ADAMTSL1: variants seen among roughly 807,000 people sequenced by gnomAD.
ADAMTSL1 encodes the protein ADAMTS-like protein 1.
ADAMTSL1 carries 126 observed loss-of-function variants against 201.8 expected under a neutral mutation model. The ratio of observed to expected loss-of-function variants is 0.62; its 90% CI spans 0.54 to 0.72. The LOEUF (loss-of-function observed/expected upper bound fraction) is 0.72. Among genes scored for constraint, ADAMTSL1 ranks in the 30% least tolerant of loss-of-function variants. The pLI, the probability that ADAMTSL1 is intolerant of heterozygous loss-of-function variation, is 0.00. For synonymous variants in ADAMTSL1, 1,121 were observed against 903.4 expected, an observed-to-expected ratio of 1.24 and a Z score of -4.32; for missense variants, 2,679 against 2,277.8, an observed-to-expected ratio of 1.18 and a Z score of -3.59.
At chr9:17,955,935 A>C (rs1304012062) in intron 1 of ADAMTSL1, among the ~76,000 whole-genome samples, 2 of 152,148 alleles carry the variant, frequency 1.3e-5, no homozygotes, top group African/African-American at 4.8e-5. Flanking sequence ...CTTCTAATTT[A>C]TGTTGCTTTA....
intron 2 of ADAMTSL1, among the ~76,000 whole-genome samples, chr9:18,204,210 A>T (rs1829557832): frequency 6.6e-6 from 1 of 152,058 alleles, no homozygotes; most frequent in South Asian, 2.1e-4. Context: ...TATAATCCCC[A>T]TGTGTTAAGG....
At chr9:18,196,419 A>G (rs1355506807) in intron 2 of ADAMTSL1, among the ~76,000 whole-genome samples, 1 of 152,066 alleles carries the variant, frequency 6.6e-6, no homozygotes, top group Admixed American at 6.6e-5. Context: ...AAATATATTC[A>G]GGCTTAATTG....
intron 4 of ADAMTSL1, among the ~76,000 whole-genome samples, chr9:18,596,540 C>T (rs1411924087): frequency 2.0e-5 from 3 of 152,040 alleles, no homozygotes; most frequent in East Asian, 1.9e-4. Flanking sequence ...ATTACAGGTG[C>T]GCACCACCAC....
At chr9:18,180,180 G>T (rs1828391786) in intron 2 of ADAMTSL1, among the ~76,000 whole-genome samples, 3 of 152,058 alleles carry the variant, frequency 2.0e-5, no homozygotes, top group African/African-American at 7.2e-5. Context: ...GATGGAGGAA[G>T]ATCTACCAAG....
intron 13 of ADAMTSL1, among the ~76,000 whole-genome samples, chr9:18,700,331 GAGGCA>G (rs1204286114): frequency 6.6e-6 from 1 of 152,066 alleles, no homozygotes; most frequent in African/African-American, 2.4e-5. Flanking sequence ...ACATCATTGA[GAGGCA>G]TTAAATAACT....
chr9:18,045,857 T>C (rs1821636246), intron 1 of ADAMTSL1, among the ~76,000 whole-genome samples: 1 of 152,070 alleles, frequency 6.6e-6, no homozygotes, highest in South Asian at 2.1e-4. Context: ...TATATTAACA[T>C]TTTCATCTCA....
At chr9:18,793,179 A>AT (rs1190323586) in intron 19 of ADAMTSL1, 5 of 152,166 alleles carry the variant, frequency 3.3e-5, no homozygotes, top group African/African-American at 1.2e-4. Context: ...TTCCTTCCCC[A>AT]TTTTACTAGA....
intron 2 of ADAMTSL1, among the ~76,000 whole-genome samples, chr9:18,439,027 T>C (rs1188462746): frequency 6.6e-6 from 1 of 152,002 alleles, no homozygotes; most frequent in Non-Finnish European, 1.5e-5. Context: ...CCTTTTATTT[T>C]CAAAGTATCC....
chr9:18,891,283 C>G (rs1563893750), intron 25 of ADAMTSL1, among the ~76,000 whole-genome samples: 1 of 152,126 alleles, frequency 6.6e-6, no homozygotes, highest in East Asian at 1.9e-4. Context: ...CTGGTTGTCT[C>G]TTTGAGATAC....
intron 2 of ADAMTSL1, among the ~76,000 whole-genome samples, chr9:18,229,629 A>AAG (rs1446097730): frequency 2.0e-5 from 3 of 152,050 alleles, no homozygotes; most frequent in African/African-American, 7.2e-5. Context: ...AAAAGCTACC[A>AAG]AGTCTCTTCC....
chr9:17,918,349 A>C (rs1346090478), intron 1 of ADAMTSL1, among the ~76,000 whole-genome samples: 1 of 144,574 alleles, frequency 6.9e-6, no homozygotes, highest in African/African-American at 2.6e-5. Flanking sequence ...TTTTTTTTTC[A>C]GTTCATAGTA....
chr9:18,437,741 G>A (rs1172032859), intron 2 of ADAMTSL1, among the ~76,000 whole-genome samples: 1 of 152,014 alleles, frequency 6.6e-6, no homozygotes, highest in Non-Finnish European at 1.5e-5. Flanking sequence ...ACAGTGATAA[G>A]CAAGGCATTT....
chr9:18,864,446 A>G (rs967957143), intron 23 of ADAMTSL1, among the ~76,000 whole-genome samples: 1 of 152,220 alleles, frequency 6.6e-6, no homozygotes, highest in Non-Finnish European at 1.5e-5. Context: ...CCACAAATTA[A>G]GCCACTGGCC....
chr9:18,225,403 C>A (rs933802868), intron 2 of ADAMTSL1, among the ~76,000 whole-genome samples: 2 of 152,160 alleles, frequency 1.3e-5, no homozygotes, highest in African/African-American at 4.8e-5. Context: ...GAAAATGTAT[C>A]TTGTCCTAAC....
At chr9:18,737,095 G>T (rs1818541274) in intron 15 of ADAMTSL1, among the ~76,000 whole-genome samples, 1 of 152,100 alleles carries the variant, frequency 6.6e-6, no homozygotes, top group Non-Finnish European at 1.5e-5. Context: ...GAGGCAGGTG[G>T]GTCACCTGAG....
intron 2 of ADAMTSL1, among the ~76,000 whole-genome samples, chr9:18,266,522 G>A (rs547597489): frequency 3.3e-5 from 5 of 152,176 alleles, no homozygotes; most frequent in African/African-American, 4.8e-5. Context: ...TATTGAGTGA[G>A]GGTCAGGCTC....
At chr9:18,896,159 T>A (rs1172424885) in intron 26 of ADAMTSL1, among the ~76,000 whole-genome samples, 1 of 152,182 alleles carries the variant, frequency 6.6e-6, no homozygotes, top group African/African-American at 2.4e-5. Flanking sequence ...GAAAGATTAT[T>A]TGCAGAAATA....
chr9:17,943,140 C>G (rs903088593), intron 1 of ADAMTSL1, among the ~76,000 whole-genome samples: 1 of 152,048 alleles, frequency 6.6e-6, no homozygotes, highest in Non-Finnish European at 1.5e-5. Context: ...CAGAGTCTCA[C>G]TATGTTGCCC....
At position 18,906,717 on chromosome 9, in the gene ADAMTSL1, T is replaced by C. The variant is rs202142719; in HGVS notation, c.4987T>C (p.Ser1663Pro). 4.2e-4 allele frequency: 680 copies of C among 1,607,840 alleles called. 1 individual carries two copies. The highest frequency in any genetic ancestry group is 5.6e-4 in the Non-Finnish European group (654 of 1,176,932). Residue 1663 changes from serine (S) to proline (P), a missense_variant, in exon 28 of 29, where the codon TCA becomes CCA. Coordinates refer to ENST00000380548, the MANE Select transcript of ADAMTSL1 (RefSeq NM_001040272.6). ...PRPVSTQNCW[S>P]EACSVHWRVS... ...GCCTGTGAGCACCCAGAACTGCTGGTCAGAGGCCTGCAGTGTACACTGGAG... is the reference window on the plus strand; with the variant it reads ...GCCTGTGAGCACCCAGAACTGCTGGCCAGAGGCCTGCAGTGTACACTGGAG...
Sources: gnomAD v4.1 joint callset for allele counts (sites outside exome capture counted in the v4.1 genomes callset) on GRCh38, gnomAD v4.1.1 for gene constraint, MANE v1.5 for transcripts, NCBI Gene and HGNC (gene_info 2026-07-23, HGNC 2026-07-21) for gene names.